The following JPH3 variants were observed in gnomAD, a reference collection of about 807,000 sequenced individuals.
The protein encoded by JPH3 is junctophilin-3.
In JPH3, 11 loss-of-function variants were observed where a neutral mutation model predicts 59.6. The ratio of observed to expected loss-of-function variants is 0.18; its 90% CI spans 0.12 to 0.31. The LOEUF is 0.31. Among genes scored for constraint, JPH3 ranks in the 10% least tolerant of loss-of-function variants. JPH3 has a pLI of 1.00. For missense variants in JPH3, 1,202 were observed against 1,105.7 expected (o/e 1.09, Z -1.24); for synonymous variants, 673 against 483.6 (o/e 1.39, Z -5.14).
At chr16:87,633,602 C>G (rs892420321) in intron 1 of JPH3, among the ~76,000 whole-genome samples, 4 of 151,946 alleles carry the variant, frequency 2.6e-5, no homozygotes, top group African/African-American at 9.7e-5. Flanking sequence ...AGTTTGAGAC[C>G]AGCCTGGCCA....
rs2031082674 is a variant in JPH3, at chr16:87,619,245, C to G, written c.382+15717C>G. The stretch of plus-strand genomic sequence containing the variant: ...GGAGTATCACTTGAGCTCAGGAAAT[C>G]AAGGCTGCCGTGAGCTATGATCACG... On this transcript the variant is annotated intron_variant, in intron 1 of 4. Transcript: ENST00000284262. 2.0e-5 allele frequency among the ~76,000 whole-genome samples: 3 copies of G among 149,732 alleles called. No homozygotes were observed. In the Admixed American group the frequency reaches 2.0e-4, roughly 10 times the overall value.
At chr16:87,687,261 A>G (rs1232867628) in intron 3 of JPH3, among the ~76,000 whole-genome samples, 1 of 152,160 alleles carries the variant, frequency 6.6e-6, no homozygotes, top group Non-Finnish European at 1.5e-5. Context: ...ATGACAGAAC[A>G]GAGCCTCCAA....
chr16:87,626,413 C>T (rs1044549150), intron 1 of JPH3, among the ~76,000 whole-genome samples: 10 of 152,252 alleles, frequency 6.6e-5, no homozygotes, highest in Non-Finnish European at 1.0e-4. Flanking sequence ...TGGGGCTCTC[C>T]TCCCAGCACC....
At chr16:87,663,318 G>C (rs2032763377) in intron 2 of JPH3, among the ~76,000 whole-genome samples, 1 of 152,266 alleles carries the variant, frequency 6.6e-6, no homozygotes, top group Admixed American at 6.5e-5. Context: ...ACGTTGGTCA[G>C]GCTGGTCTCA....
At chr16:87,608,668 C>T (rs2030620394) in intron 1 of JPH3, among the ~76,000 whole-genome samples, 1 of 152,224 alleles carries the variant, frequency 6.6e-6, no homozygotes, top group African/African-American at 2.4e-5. Context: ...TAGGCATCCT[C>T]TTCAAGCCAA....
At chr16:87,652,427 C>T (rs982964832) in intron 2 of JPH3, among the ~76,000 whole-genome samples, 2 of 152,348 alleles carry the variant, frequency 1.3e-5, no homozygotes, top group South Asian at 2.1e-4. Flanking sequence ...AGATATAATG[C>T]TATAGCACGC....
intron 2 of JPH3, among the ~76,000 whole-genome samples, chr16:87,670,117 A>C (rs1048924013): frequency 1.3e-5 from 2 of 150,550 alleles, no homozygotes; most frequent in Non-Finnish European, 3.0e-5. Flanking sequence ...CCTGACGGAG[A>C]CTCCCCCACC....
chr16:87,678,551 A>T lies in JPH3; in HGVS notation c.1161-5591A>T, dbSNP rs535941867. Among the ~76,000 whole-genome samples, 349 of 151,740 alleles carry T rather than the reference A, an allele frequency of 2.3e-3. 5 individuals are homozygous for T. The highest frequency in any genetic ancestry group is 1.5e-3 in the East Asian group (8 of 5,178). Reference sequence around the variant, plus strand: ...CAGACTCCATCACACACACACACACAATATATATATATGTGTGTGTCTGTG... The same window carrying T: ...CAGACTCCATCACACACACACACACTATATATATATATGTGTGTGTCTGTG... On this transcript the variant is annotated intron_variant, in intron 2 of 4. Coordinates refer to ENST00000284262, the MANE Select transcript of JPH3 (RefSeq NM_020655.4).
At chr16:87,627,729 T>C (rs1261401438) in intron 1 of JPH3, among the ~76,000 whole-genome samples, 1 of 152,102 alleles carries the variant, frequency 6.6e-6, no homozygotes, top group Non-Finnish European at 1.5e-5. Flanking sequence ...CTGTCTGGGG[T>C]CACGTGGCTA....
intron 1 of JPH3, among the ~76,000 whole-genome samples, chr16:87,627,174 C>G (rs1008868078): frequency 3.3e-5 from 5 of 152,110 alleles, no homozygotes; most frequent in Admixed American, 2.0e-4. Context: ...CCTCTTTGCC[C>G]TAGAGCCGTG....
At chr16:87,690,549 G>A (rs1469106799) in intron 4 of JPH3, 23 bp downstream of exon 4, 14 of 1,448,852 alleles carry the variant, frequency 9.7e-6, no homozygotes, top group Non-Finnish European at 1.2e-5. Flanking sequence ...CCACCAGGCT[G>A]GTCCCAGTGG....
At chr16:87,693,961 C>CGTGTT (rs2033692705) in intron 4 of JPH3, 1 of 152,274 alleles carries the variant, frequency 6.6e-6, no homozygotes, top group South Asian at 2.1e-4. Flanking sequence ...TTGCCGCTGC[C>CGTGTT]GTGTTGAGCC....
At position 87,649,009 on chromosome 16, in the gene JPH3, C is replaced by T. The variant is rs1453094843; in HGVS notation, c.1160+3974C>T. Among the ~76,000 whole-genome samples the T allele has an allele frequency of 5.9e-5, 9 of 152,184 alleles. No homozygotes were observed. The East Asian group carries it at 1.2e-3, about 20-fold the overall frequency. ...CCACGGGGAGATGAGGCATCACACA[C>T]GCAGCCACAACACGGGTCGGAGGCA... On this transcript the variant is annotated intron_variant, in intron 2 of 4. Transcript: ENST00000284262.
chr16:87,636,096 T>C (rs550907284), intron 1 of JPH3, among the ~76,000 whole-genome samples: 70 of 152,300 alleles, frequency 4.6e-4, no homozygotes, highest in African/African-American at 1.4e-3. Context: ...CACTGGGTCC[T>C]GTCTTCATGC....
intron 1 of JPH3, among the ~76,000 whole-genome samples, chr16:87,622,075 C>T (rs1056659096): frequency 1.3e-5 from 2 of 150,422 alleles, no homozygotes; most frequent in African/African-American, 4.9e-5. Context: ...AAGAACGACG[C>T]AGCCTGGCAG....
chr16:87,662,220 G>A (rs995440288), intron 2 of JPH3, among the ~76,000 whole-genome samples: 1 of 152,120 alleles, frequency 6.6e-6, no homozygotes, highest in African/African-American at 2.4e-5. Context: ...GTGACTTGAG[G>A]CAAGATATCC....
At chr16:87,608,228 G>C (rs886469339) in intron 1 of JPH3, among the ~76,000 whole-genome samples, 1 of 152,244 alleles carries the variant, frequency 6.6e-6, no homozygotes, top group African/African-American at 2.4e-5. Context: ...GTGTGGGGGT[G>C]GGGGCAGGAG....
In JPH3 at chr16:87,677,183, T is replaced by C. The variant is rs78344518; in HGVS notation, c.1161-6959T>C. Among the ~76,000 whole-genome samples the C allele has an allele frequency of 8.9e-3, 675 of 75,876 alleles. 9 individuals carry two copies. The highest frequency in any genetic ancestry group is 0.032 in the East Asian group (70 of 2,204). The allele number at this position is 75,876 out of a possible 152,430, so 49.8% of individuals were successfully genotyped here. ...TACACACACACACGCACTATATATA[T>C]ATACACACACACACACACACACACA... On this transcript the variant is annotated intron_variant, in intron 2 of 4. Transcript: ENST00000284262.
intron 2 of JPH3, 29 bp from the exon 3 acceptor site, chr16:87,684,113 C>G (rs764162497): frequency 1.3e-6 from 2 of 1,589,594 alleles, no homozygotes; most frequent in Non-Finnish European, 8.6e-7. Flanking sequence ...CCCCCTGCCC[C>G]CCCTCACGCT....
Sources: gnomAD v4.1 joint callset for allele counts (sites outside exome capture counted in the v4.1 genomes callset) on GRCh38, gnomAD v4.1.1 for gene constraint, MANE v1.5 for transcripts, NCBI Gene and HGNC (gene_info 2026-07-23, HGNC 2026-07-21) for gene names.